RPAP2: variants seen among roughly 807,000 people sequenced by gnomAD.
RPAP2 encodes putative RNA polymerase II subunit B1 CTD phosphatase RPAP2.
Under a neutral mutation model 73.1 loss-of-function variants are expected in RPAP2, and 52 were observed. The observed-to-expected ratio is 0.71, with a 90% CI of 0.57 to 0.90. The LOEUF is 0.90. Ranked by LOEUF, RPAP2 falls within the 40% of genes least tolerant of loss-of-function variation. The pLI is 0.00. For missense variants in RPAP2, 598 were observed against 701.8 expected (o/e 0.85, Z 1.67); for synonymous variants, 225 against 242.1 (o/e 0.93, Z 0.65).
chr1:92,386,115 C>T (rs936949551), intron 12 of RPAP2, among the ~76,000 whole-genome samples: 1 of 152,180 alleles, frequency 6.6e-6, no homozygotes, highest in Admixed American at 6.5e-5. Flanking sequence ...AGAGAGGATA[C>T]CCATGATGGA....
At chr1:92,327,900 C>T (rs1652738564) in intron 8 of RPAP2, among the ~76,000 whole-genome samples, 2 of 152,152 alleles carry the variant, frequency 1.3e-5, no homozygotes, top group Non-Finnish European at 2.9e-5. Context: ...GACTATCTTT[C>T]CTTCATTTAT....
At chr1:92,347,256 G>T (rs1190675506) in intron 11 of RPAP2, among the ~76,000 whole-genome samples, 2 of 152,174 alleles carry the variant, frequency 1.3e-5, no homozygotes, top group Non-Finnish European at 2.9e-5. Context: ...TTGTGAAACA[G>T]ATCTTATTAA....
chr1:92,303,180 A>G, intron 3 of RPAP2, among the ~76,000 whole-genome samples: 1 of 152,206 alleles, frequency 6.6e-6, no homozygotes, highest in East Asian at 1.9e-4. Context: ...AGTGTAGTTG[A>G]TAGATCTTTT....
At chr1:92,366,521 G>A (rs1654941527) in intron 11 of RPAP2, among the ~76,000 whole-genome samples, 1 of 152,144 alleles carries the variant, frequency 6.6e-6, no homozygotes, top group South Asian at 2.1e-4. Context: ...TGCCCAGGGA[G>A]CTATTGTGTT....
At chr1:92,347,102 C>T (rs1653943513) in intron 11 of RPAP2, among the ~76,000 whole-genome samples, 1 of 152,072 alleles carries the variant, frequency 6.6e-6, no homozygotes, top group Non-Finnish European at 1.5e-5. Context: ...TCTGTGTCAC[C>T]CAACTAGATG....
chr1:92,311,604 C>T (rs1651598448), intron 6 of RPAP2, among the ~76,000 whole-genome samples: 1 of 152,158 alleles, frequency 6.6e-6, no homozygotes, highest in African/African-American at 2.4e-5. Context: ...CCTTACACAC[C>T]ATTTGGAAAC....
intron 11 of RPAP2, among the ~76,000 whole-genome samples, chr1:92,355,535 T>G (rs920192945): frequency 6.6e-6 from 1 of 152,236 alleles, no homozygotes; most frequent in Non-Finnish European, 1.5e-5. Context: ...TGTTATACTT[T>G]GTTAGGTATC....
intron 11 of RPAP2, among the ~76,000 whole-genome samples, chr1:92,378,779 C>A (rs1274389228): frequency 2.0e-5 from 3 of 152,178 alleles, no homozygotes; most frequent in African/African-American, 7.2e-5. Flanking sequence ...TACCTCTATA[C>A]CCAGCTTGGG....
intron 10 of RPAP2, among the ~76,000 whole-genome samples, chr1:92,340,672 G>A (rs899870459): frequency 2.0e-5 from 3 of 152,134 alleles, no homozygotes; most frequent in African/African-American, 7.2e-5. Flanking sequence ...ATTCTAATAG[G>A]TAGCCAGAGT....
At chr1:92,327,277 T>C (rs1652690732) in intron 8 of RPAP2, among the ~76,000 whole-genome samples, 2 of 152,178 alleles carry the variant, frequency 1.3e-5, no homozygotes, top group Non-Finnish European at 2.9e-5. Context: ...CCCACTATTA[T>C]TGTGTTGCTT....
chr1:92,344,905 T>G (rs1557614573), intron 10 of RPAP2, among the ~76,000 whole-genome samples: 1 of 152,216 alleles, frequency 6.6e-6, no homozygotes, highest in African/African-American at 2.4e-5. Flanking sequence ...TTACCATTTA[T>G]GTATTGGCTG....
chr1:92,372,899 A>G (rs141232774), intron 11 of RPAP2, among the ~76,000 whole-genome samples: 194 of 152,366 alleles, frequency 1.3e-3, no homozygotes, highest in Non-Finnish European at 2.3e-3. Context: ...AGAGTGACAC[A>G]GCAAGGCCTC....
In RPAP2 at chr1:92,398,579, C is replaced by T. The variant is rs1656242626; in HGVS notation, c.*11568C>T. The stretch of plus-strand genomic sequence containing the variant: ...AGAAAAGTAAGCATTTCTAGAAGCA[C>T]ATTTTTGTTGGACTGAGGGTGGGGC... On this transcript the variant is annotated 3_prime_UTR_variant, in exon 13 of 13. Transcript: ENST00000610020. 1.3e-5 allele frequency: 2 copies of T among 152,246 alleles called. No homozygotes were observed. Among genetic ancestry groups the T allele is most frequent in the Admixed American group, 1.3e-4 (2 of 15,286 alleles). The allele number at this position is 152,246 out of a possible 1,614,324, so 9.4% of individuals were successfully genotyped here. A position where few individuals can be genotyped will look rare whatever the true frequency, so the allele number is the denominator to read the frequency against.
intron 12 of RPAP2, among the ~76,000 whole-genome samples, chr1:92,382,029 T>C (rs947736402): frequency 6.6e-6 from 1 of 151,542 alleles, no homozygotes; most frequent in Non-Finnish European, 1.5e-5. Flanking sequence ...GTTTGGTTTT[T>C]TGTCCTTGTG....
chr1:92,301,675 A>G, intron 3 of RPAP2, 85 bp downstream of exon 3: 1 of 524,998 alleles, frequency 1.9e-6, no homozygotes, highest in Non-Finnish European at 3.3e-6. Flanking sequence ...CATTATTAGA[A>G]TCTTTGAATT....
At chr1:92,386,423 T>C (rs571894536) in intron 12 of RPAP2, among the ~76,000 whole-genome samples, 1 of 152,276 alleles carries the variant, frequency 6.6e-6, no homozygotes, top group South Asian at 2.1e-4. Flanking sequence ...CATGGGGTCA[T>C]GGGAATGCTG....
At chr1:92,314,220 A>G (rs1235218461) in intron 6 of RPAP2, among the ~76,000 whole-genome samples, 1 of 152,066 alleles carries the variant, frequency 6.6e-6, no homozygotes, top group African/African-American at 2.4e-5. Flanking sequence ...CTTCCTCACT[A>G]AGCTTAATCA....
chr1:92,361,354 TACTC>T (rs974782660), intron 11 of RPAP2, among the ~76,000 whole-genome samples: 2 of 152,176 alleles, frequency 1.3e-5, no homozygotes, highest in Non-Finnish European at 2.9e-5. Flanking sequence ...GCCAAGCACT[TACTC>T]TAGCACTTAG....
intron 11 of RPAP2, among the ~76,000 whole-genome samples, chr1:92,371,595 G>C (rs1231154814): frequency 6.6e-6 from 1 of 151,554 alleles, no homozygotes; most frequent in East Asian, 1.9e-4. Flanking sequence ...ATAAACAGCG[G>C]CATATATTCA....
Sources: allele counts gnomAD v4.1 joint callset (sites outside exome capture counted in the v4.1 genomes callset), GRCh38; gene constraint gnomAD v4.1.1; transcripts MANE v1.5; gene names NCBI Gene and HGNC (gene_info 2026-07-23, HGNC 2026-07-21).